Variants in CSTF2 observed in about 807,000 individuals in gnomAD.
CSTF2 encodes the protein CF-1 64 kDa subunit.
In CSTF2, 8 loss-of-function variants were observed where a neutral mutation model predicts 45.4. The observed-to-expected ratio is 0.18, with a 90% confidence interval of 0.10 to 0.32. The LOEUF (loss-of-function observed/expected upper bound fraction) is 0.32, where lower values mean the gene tolerates loss of function less well. Among genes scored for constraint, CSTF2 ranks in the 10% least tolerant of loss-of-function variants. The pLI, the probability that CSTF2 is intolerant of heterozygous loss-of-function variation, is 1.00. For synonymous variants in CSTF2, 155 were observed against 158.9 expected (o/e 0.98, Z 0.18); for missense variants, 253 against 477.1 (o/e 0.53, Z 4.38).
chrX:100,835,417 G>A (rs950870996), intron 11 of CSTF2, among the ~76,000 whole-genome samples: 5 of 110,756 alleles, frequency 4.5e-5, no homozygotes, highest in Non-Finnish European at 9.4e-5. Context: ...AAGGAACCTT[G>A]CTTCCTCTCC....
At chrX:100,829,336 A>G (rs1602368828) in intron 8 of CSTF2, among the ~76,000 whole-genome samples, 3 of 110,737 alleles carry the variant, frequency 2.7e-5, no homozygotes, top group Admixed American at 9.6e-5. Context: ...TAAAAAATAC[A>G]AAAACTAGTT....
chrX:100,830,781 C>T (rs1306151523), intron 8 of CSTF2: 3 of 1,122,384 alleles, frequency 2.7e-6, no homozygotes, highest in Admixed American at 5.2e-5. Context: ...TCTGCTCTTT[C>T]TCCTTTTGAA....
intron 8 of CSTF2, 67 bp from the exon 9 acceptor site, chrX:100,831,448 A>T (rs2084974786): frequency 6.1e-6 from 7 of 1,148,889 alleles, no homozygotes; most frequent in South Asian, 1.8e-5. Context: ...TCAGTGGTAT[A>T]TAGAGTCATT....
chrX:100,830,968 A>C, intron 8 of CSTF2: 1 of 682,510 alleles, frequency 1.5e-6, no homozygotes. Flanking sequence ...TTCAGAACCC[A>C]AAAGGGTAGT....
At chrX:100,830,874 A>G in intron 8 of CSTF2, 1 of 1,148,048 alleles carries the variant, frequency 8.7e-7, no homozygotes, top group Middle Eastern at 2.3e-4. Flanking sequence ...CAAGGTACCC[A>G]TTGTATCTGT....
rs536760362 is a variant in CSTF2 at position 100,824,216 on chromosome X, A to G, written c.661A>G (p.Met221Val). Residue 221 changes from methionine (M) to valine (V), a missense_variant, in exon 6 of 14, where the codon ATG becomes GTG. Physicochemically the swap from Met to Val is conservative, Grantham distance 21. This residue lies in a region of CSTF2 where 200 missense variants were observed against 294.0 expected (regional missense o/e 0.68). Transcript: ENST00000372972. ...AGPGSGSNVS[M>V]NQQNPQAPQA... ...GCCTGGCTCAGGATCCAATGTGTCA[A>G]TGAACCAGCAGAATCCTCAGGCCCC... 6.8e-5 allele frequency: 82 copies of G among 1,210,526 alleles called. No individual in the cohort carries two copies. Among genetic ancestry groups the G allele is most frequent in the East Asian group, 5.3e-4 (18 of 33,793 alleles).
chrX:100,834,101 CTG>C (rs2084993271), intron 11 of CSTF2, among the ~76,000 whole-genome samples: 1 of 111,747 alleles, frequency 8.9e-6, no homozygotes, highest in African/African-American at 3.3e-5. Flanking sequence ...ATCTCTCTGC[CTG>C]TGTGTACATG....
chrX:100,827,110 A>G (rs1001477325), intron 7 of CSTF2, among the ~76,000 whole-genome samples: 2 of 111,893 alleles, frequency 1.8e-5, no homozygotes, highest in Non-Finnish European at 3.8e-5. Context: ...GATGGAAGGA[A>G]TAAAAACTAA....
chrX:100,837,772 C>G (rs1349936818), intron 12 of CSTF2, among the ~76,000 whole-genome samples: 1 of 111,881 alleles, frequency 8.9e-6, no homozygotes, highest in Non-Finnish European at 1.9e-5. Flanking sequence ...TCTACTTTAT[C>G]CCTAAAAACA....
Position 100,826,710 on chromosome X carries a change from T to C in CSTF2, c.779T>C (p.Met260Thr), listed in dbSNP as rs1286819859. The C allele has an allele frequency of 8.3e-7, 1 of 1,210,143 alleles. No homozygotes were observed. The highest frequency in any genetic ancestry group is 3.0e-5 in the East Asian group (1 of 33,838). Reference sequence around the variant, plus strand: ...GGTGGAGTTCCAGCACCAGGGCAAATGCCAGCTGCTGTCACAGGACCTGGC... The same window carrying C: ...GGTGGAGTTCCAGCACCAGGGCAAACGCCAGCTGCTGTCACAGGACCTGGC... Reference protein sequence around the residue: ...MQGGVPAPGQMPAAVTGPGPG... With the variant: ...MQGGVPAPGQTPAAVTGPGPG... Residue 260 changes from methionine (M) to threonine (T), a missense_variant, in exon 7 of 14, where the codon ATG becomes ACG. This residue lies in a region of CSTF2 where 200 missense variants were observed against 294.0 expected (regional missense o/e 0.68). Coordinates refer to ENST00000372972, the MANE Select transcript of CSTF2 (RefSeq NM_001325.3).
intron 9 of CSTF2, among the ~76,000 whole-genome samples, 158 bp from the exon 10 acceptor site, chrX:100,832,576 A>T (rs1286327782): frequency 2.7e-5 from 3 of 112,645 alleles, no homozygotes; most frequent in African/African-American, 9.7e-5. Flanking sequence ...ACATGGATTT[A>T]TATCTCTGTA....
At chrX:100,825,493 A>G (rs1271277945) in intron 6 of CSTF2, among the ~76,000 whole-genome samples, 1 of 111,982 alleles carries the variant, frequency 8.9e-6, no homozygotes, top group Non-Finnish European at 1.9e-5. Flanking sequence ...ATGTTATAAG[A>G]TAATGTAAAT....
At chrX:100,828,410 G>T (rs1000118488) in intron 8 of CSTF2, among the ~76,000 whole-genome samples, 2 of 111,826 alleles carry the variant, frequency 1.8e-5, no homozygotes, top group African/African-American at 6.5e-5. Flanking sequence ...AGCTCTACAA[G>T]AATTGATAAT....
chrX:100,823,534 A>G, intron 4 of CSTF2, 106 bp downstream of exon 4: 1 of 897,562 alleles, frequency 1.1e-6, no homozygotes. Context: ...GTAGACCACC[A>G]TTTCTTGCAC....
At chrX:100,837,281 T>C (rs942122544) in intron 11 of CSTF2, 58 bp from the exon 12 acceptor site, 4 of 798,918 alleles carry the variant, frequency 5.0e-6, no homozygotes, top group Non-Finnish European at 7.3e-6. Context: ...ATTACTGAAT[T>C]CAGGTTACCT....
At chrX:100,838,525 T>C (rs13340756) in intron 13 of CSTF2, among the ~76,000 whole-genome samples, 161 bp downstream of exon 13, 1,961 of 111,729 alleles carry the variant, frequency 0.018, 51 homozygotes, top group African/African-American at 0.061. Flanking sequence ...AGGGATAGAG[T>C]AAGGCTATAC....
intron 9 of CSTF2, 31 bp from the exon 10 acceptor site, chrX:100,832,703 T>G: frequency 8.5e-7 from 1 of 1,172,884 alleles, no homozygotes; most frequent in Non-Finnish European, 1.1e-6. Flanking sequence ...TTTGTTCTAT[T>G]TTAAAATACA....
Position 100,822,314 on chromosome X carries a change from A to G in CSTF2, c.201A>G (p.Gln67=). 1 of 1,210,785 alleles carries G rather than the reference A, an allele frequency of 8.3e-7. No individual in the cohort carries two copies. The highest frequency in any genetic ancestry group is 1.1e-6 in the Non-Finnish European group (1 of 894,699). The part of the protein sequence containing the change: ...KGYGFCEYQD[Q]ETALSAMRNL... ...ATGGCTTCTGTGAATACCAAGACCAAGAGACAGCACTTAGTGCCATGCGGA... is the reference window on the plus strand; with the variant it reads ...ATGGCTTCTGTGAATACCAAGACCAGGAGACAGCACTTAGTGCCATGCGGA... The change falls in exon 3 of 14, where the codon CAA becomes CAG. Residue 67 remains glutamine, a synonymous_variant. Transcript: ENST00000372972.
intron 6 of CSTF2, among the ~76,000 whole-genome samples, chrX:100,825,388 G>T (rs1264249253): frequency 1.8e-5 from 2 of 110,793 alleles, no homozygotes; most frequent in African/African-American, 6.6e-5. Flanking sequence ...ATGGGAAATA[G>T]ACATAAATAT....
Sources: gnomAD v4.1 joint callset for allele counts (sites outside exome capture counted in the v4.1 genomes callset) on GRCh38, gnomAD v4.1.1 for gene constraint, gnomAD v4.1.1 regional missense constraint, MANE v1.5 for transcripts, NCBI Gene and HGNC (gene_info 2026-07-23, HGNC 2026-07-21) for gene names.